MRPS27: variants seen among roughly 807,000 people sequenced by gnomAD.
The protein encoded by MRPS27 is small ribosomal subunit protein mS27.
Under a neutral mutation model 48.9 loss-of-function variants are expected in MRPS27, and 43 were observed. The observed-to-expected ratio is 0.88, with a 90% CI of 0.69 to 1.13. MRPS27 has a LOEUF of 1.13. Ranked by LOEUF, MRPS27 falls within the 50% of genes most tolerant of loss-of-function variation. The pLI, the probability that MRPS27 is intolerant of heterozygous loss-of-function variation, is 0.00. For missense variants in MRPS27, 467 were observed against 476.3 expected, an observed-to-expected ratio of 0.98 and a Z score of 0.18; for synonymous variants, 188 against 171.9, an observed-to-expected ratio of 1.09 and a Z score of -0.73.
At chr5:72,299,418 C>T (rs1750072717) in intron 2 of MRPS27, among the ~76,000 whole-genome samples, 3 of 152,046 alleles carry the variant, frequency 2.0e-5, no homozygotes, top group African/African-American at 7.2e-5. Context: ...TAGGTTCCCC[C>T]CAAAAAAAGA....
At chr5:72,264,116 T>C (rs1302501577) in intron 4 of MRPS27, among the ~76,000 whole-genome samples, 1 of 152,158 alleles carries the variant, frequency 6.6e-6, no homozygotes, top group Non-Finnish European at 1.5e-5. Context: ...CTTGAAAACA[T>C]GCTAAGTGAA....
At chr5:72,317,959 T>C (rs899803006) in intron 1 of MRPS27, among the ~76,000 whole-genome samples, 4 of 152,334 alleles carry the variant, frequency 2.6e-5, no homozygotes, top group South Asian at 2.1e-4. Context: ...CCTGGTCACA[T>C]TGGAAGAAGA....
chr5:72,249,724 G>A (rs1748606383), intron 4 of MRPS27, among the ~76,000 whole-genome samples: 1 of 150,490 alleles, frequency 6.6e-6, no homozygotes, highest in Non-Finnish European at 1.5e-5. Flanking sequence ...GTTCACGCCT[G>A]TAATCCCAGC....
intron 2 of MRPS27, among the ~76,000 whole-genome samples, chr5:72,300,073 G>A (rs1416956450): frequency 6.6e-6 from 1 of 152,136 alleles, no homozygotes; most frequent in East Asian, 1.9e-4. Context: ...AGTCATCTTA[G>A]ATACAGCTGT....
At chr5:72,307,486 T>C (rs1419815151) in intron 2 of MRPS27, among the ~76,000 whole-genome samples, 1 of 152,220 alleles carries the variant, frequency 6.6e-6, no homozygotes, top group Non-Finnish European at 1.5e-5. Context: ...TGGAGATCTG[T>C]ATCAAAATAT....
intron 2 of MRPS27, among the ~76,000 whole-genome samples, chr5:72,301,881 G>A (rs1750134564): frequency 6.6e-6 from 1 of 152,352 alleles, no homozygotes; most frequent in African/African-American, 2.4e-5. Context: ...GGCGTGCAGA[G>A]GGCCAGCGCC....
chr5:72,283,696 A>G (rs558450759), intron 4 of MRPS27, among the ~76,000 whole-genome samples: 1 of 152,294 alleles, frequency 6.6e-6, no homozygotes, highest in Admixed American at 6.5e-5. Context: ...TAGGCAAGAT[A>G]TGATCCAGCA....
chr5:72,282,432 T>C (rs1749555878), intron 4 of MRPS27, among the ~76,000 whole-genome samples: 1 of 152,132 alleles, frequency 6.6e-6, no homozygotes, highest in African/African-American at 2.4e-5. Context: ...TAAAACTATA[T>C]TTTAGTTATG....
chr5:72,231,986 T>C (rs777716766), intron 7 of MRPS27, among the ~76,000 whole-genome samples: 11 of 152,168 alleles, frequency 7.2e-5, no homozygotes, highest in Non-Finnish European at 1.5e-4. Flanking sequence ...TAAGCAATGA[T>C]TAAACATGCG....
intron 3 of MRPS27, among the ~76,000 whole-genome samples, chr5:72,295,944 A>T (rs1749968213): frequency 6.6e-6 from 1 of 152,070 alleles, no homozygotes; most frequent in Non-Finnish European, 1.5e-5. Context: ...TATTTTCTTT[A>T]TGTTCCAAAC....
In MRPS27 at chr5:72,219,905, G is replaced by C. The variant is rs1293428387; in HGVS notation, c.*1004C>G. ...AAAAAAATGTTACCCCAACACGATGGAGAAGCCAATCCAAAAAAGCTTCAT... is the reference window on the plus strand; with the variant it reads ...AAAAAAATGTTACCCCAACACGATGCAGAAGCCAATCCAAAAAAGCTTCAT... On this transcript the variant is annotated 3_prime_UTR_variant, in exon 11 of 11. Transcript: ENST00000261413. 1 of 152,614 alleles carries C rather than the reference G, an allele frequency of 6.6e-6. No homozygotes were observed. Among genetic ancestry groups the C allele is most frequent in the Non-Finnish European group, 1.5e-5 (1 of 68,030 alleles). The allele number at this position is 152,614 out of a possible 1,614,324, so 9.5% of individuals were successfully genotyped here.
intron 4 of MRPS27, among the ~76,000 whole-genome samples, chr5:72,293,518 C>T (rs536528811): frequency 5.3e-5 from 8 of 152,200 alleles, no homozygotes; most frequent in African/African-American, 1.9e-4. Context: ...TTCAGTTATA[C>T]CCCAGGCCAC....
chr5:72,284,555 A>G (rs1200208650), intron 4 of MRPS27, among the ~76,000 whole-genome samples: 1 of 152,184 alleles, frequency 6.6e-6, no homozygotes, highest in African/African-American at 2.4e-5. Context: ...TGAATAAGTA[A>G]TATACACCCA....
chr5:72,224,448 T>C (rs1160479774), intron 9 of MRPS27, among the ~76,000 whole-genome samples: 3 of 152,194 alleles, frequency 2.0e-5, no homozygotes, highest in Admixed American at 6.5e-5. Context: ...CGCTTTTAGT[T>C]AGCCAGACAG....
At chr5:72,279,013 GAAGGC>G (rs1386707628) in intron 4 of MRPS27, among the ~76,000 whole-genome samples, 1 of 152,168 alleles carries the variant, frequency 6.6e-6, no homozygotes, top group African/African-American at 2.4e-5. Context: ...CCCCAGAGCA[GAAGGC>G]TGAGTAGAAG....
intron 4 of MRPS27, among the ~76,000 whole-genome samples, chr5:72,252,313 C>T (rs1005341303): frequency 6.8e-6 from 1 of 146,826 alleles, no homozygotes; most frequent in East Asian, 1.9e-4. Flanking sequence ...AAAAATGTAG[C>T]ATACTAAAGA....
At chr5:72,274,787 G>C (rs758064340) in intron 4 of MRPS27, among the ~76,000 whole-genome samples, 4 of 152,102 alleles carry the variant, frequency 2.6e-5, no homozygotes, top group Non-Finnish European at 5.9e-5. Context: ...ATGTTATAAT[G>C]GCATTATGAA....
chr5:72,267,831 T>C (rs1338076018), intron 4 of MRPS27, among the ~76,000 whole-genome samples: 1 of 151,282 alleles, frequency 6.6e-6, no homozygotes, highest in Non-Finnish European at 1.5e-5. Flanking sequence ...ATAGAGGTCA[T>C]TAAGAAAAAA....
intron 4 of MRPS27, among the ~76,000 whole-genome samples, chr5:72,276,213 A>T (rs1227847900): frequency 6.6e-6 from 1 of 152,214 alleles, no homozygotes; most frequent in African/African-American, 2.4e-5. Context: ...GTACAAAAAC[A>T]GACACATAGA....
Sources: allele counts gnomAD v4.1 joint callset (sites outside exome capture counted in the v4.1 genomes callset), GRCh38; gene constraint gnomAD v4.1.1; transcripts MANE v1.5; gene names NCBI Gene and HGNC (gene_info 2026-07-23, HGNC 2026-07-21).